Variants in RAB31 observed in about 807,000 individuals in gnomAD.
RAB31 encodes ras-related protein Rab-31.
In RAB31, 21 loss-of-function variants were observed where a neutral mutation model predicts 25.6. The ratio of observed to expected loss-of-function variants is 0.82; its 90% CI spans 0.58 to 1.18. The LOEUF is 1.18. Among genes scored for constraint, RAB31 ranks in the 50% most tolerant of loss-of-function variants. RAB31 has a pLI of 0.00. For missense variants in RAB31, 196 were observed against 250.1 expected (o/e 0.78, Z 1.46); for synonymous variants, 87 against 84.0 (o/e 1.04, Z -0.20).
rs2068783788 is a variant in RAB31, at chr18:9,850,489, G to A, written c.490+4798G>A. Among the ~76,000 whole-genome samples, 4 of 152,146 alleles carry A rather than the reference G, an allele frequency of 2.6e-5. No homozygotes were observed. The South Asian group carries it at 8.3e-4, about 31-fold the overall frequency. ...AAAAGTATTTTAACTTTTCCTGAGG[G>A]CAAAGAGAGGTGGAGCTGCAGGCTC... is the stretch of plus-strand genomic sequence containing the variant. On this transcript the variant is annotated intron_variant, in intron 6 of 6. Transcript: ENST00000578921.
intron 1 of RAB31, among the ~76,000 whole-genome samples, chr18:9,762,323 T>A (rs993037647): frequency 2.0e-5 from 3 of 152,216 alleles, no homozygotes; most frequent in African/African-American, 4.8e-5. Context: ...AAAGATTGTC[T>A]TGTAAAAAAT....
At chr18:9,746,500 T>C (rs1270622359) in intron 1 of RAB31, among the ~76,000 whole-genome samples, 1 of 145,016 alleles carries the variant, frequency 6.9e-6, no homozygotes, top group Non-Finnish European at 1.5e-5. Flanking sequence ...GACTCAACAC[T>C]TCCTGATTTC....
At chr18:9,710,681 C>T (rs1599006338) in intron 1 of RAB31, among the ~76,000 whole-genome samples, 1 of 151,866 alleles carries the variant, frequency 6.6e-6, no homozygotes, top group Non-Finnish European at 1.5e-5. Flanking sequence ...GGTCAAACCC[C>T]GTCTCTATTA....
intron 4 of RAB31, 53 bp downstream of exon 4, chr18:9,814,144 TAG>T (rs1172725726): frequency 7.5e-7 from 1 of 1,325,860 alleles, no homozygotes; most frequent in Non-Finnish European, 1.1e-6. Flanking sequence ...TTCTCTCACT[TAG>T]AGAGACTGGA....
chr18:9,852,003 A>C (rs1336205193), intron 6 of RAB31, among the ~76,000 whole-genome samples: 2 of 150,790 alleles, frequency 1.3e-5, no homozygotes, highest in Non-Finnish European at 2.9e-5. Flanking sequence ...TATTCCAAGA[A>C]TATATCCTTC....
chr18:9,729,179 A>G (rs896043827), intron 1 of RAB31, among the ~76,000 whole-genome samples: 2 of 152,204 alleles, frequency 1.3e-5, no homozygotes, highest in Non-Finnish European at 2.9e-5. Context: ...AACTATATCA[A>G]TCTTTTGTGA....
Position 9,708,488 on chromosome 18 carries a change from C to A in RAB31, c.39+44C>A. On this transcript the variant is annotated intron_variant, in intron 1 of 6. Coordinates refer to ENST00000578921, the MANE Select transcript of RAB31 (RefSeq NM_006868.4). The surrounding 1 kb of genome is among the most constrained non-coding windows in gnomAD (Gnocchi z 6.4). ...CCGCCGGCGGACCCCGGCCCGCGCT[C>A]TCGCGCCCCTTCGCTCCCCTATTCC... The A allele has an allele frequency of 6.6e-7, 1 of 1,515,512 alleles. No homozygotes were observed. The highest frequency in any genetic ancestry group is 8.9e-7 in the Non-Finnish European group (1 of 1,126,500). The allele number at this position is 1,515,512 out of a possible 1,614,324, so 93.9% of individuals were successfully genotyped here. A position where few individuals can be genotyped will look rare whatever the true frequency, so the allele number is the denominator to read the frequency against.
chr18:9,806,952 C>A (rs2068544742), intron 3 of RAB31, among the ~76,000 whole-genome samples: 1 of 152,222 alleles, frequency 6.6e-6, no homozygotes, highest in African/African-American at 2.4e-5. Context: ...AAATAAATAT[C>A]ATAATCCAGC....
intron 1 of RAB31, among the ~76,000 whole-genome samples, chr18:9,728,382 A>G (rs2068105507): frequency 6.6e-6 from 1 of 152,264 alleles, no homozygotes; most frequent in African/African-American, 2.4e-5. Flanking sequence ...GGGATTTTCT[A>G]GAAATAGAAC....
At chr18:9,740,089 A>G (rs1486882994) in intron 1 of RAB31, among the ~76,000 whole-genome samples, 2 of 152,214 alleles carry the variant, frequency 1.3e-5, no homozygotes, top group African/African-American at 2.4e-5. Flanking sequence ...TAATGGATGA[A>G]TCCTGACTCC....
Position 9,800,159 on chromosome 18 carries a change from G to A in RAB31, c.201+7924G>A, listed in dbSNP as rs140562368. 1.4e-4 allele frequency among the ~76,000 whole-genome samples: 22 copies of A among 152,314 alleles called. No homozygotes were observed. In the East Asian group the frequency reaches 4.2e-3, roughly 29 times the overall value. On this transcript the variant is annotated intron_variant, in intron 3 of 6. Coordinates refer to ENST00000578921, the MANE Select transcript of RAB31 (RefSeq NM_006868.4). ...CACATAGAGTGGCTTTTAGCGAGAG[G>A]AGCTGAAAAGCAACATTGTCATAAA...
intron 3 of RAB31, among the ~76,000 whole-genome samples, chr18:9,793,079 G>A (rs371039051): frequency 7.2e-5 from 11 of 152,282 alleles, no homozygotes; most frequent in Admixed American, 6.5e-4. Context: ...TAACTAGAGC[G>A]TATATTATAA....
At chr18:9,813,244 G>A (rs1282068261) in intron 3 of RAB31, among the ~76,000 whole-genome samples, 1 of 152,118 alleles carries the variant, frequency 6.6e-6, no homozygotes. Flanking sequence ...CCAGACCCGA[G>A]GCAGCTGCTG....
intron 1 of RAB31, among the ~76,000 whole-genome samples, chr18:9,750,910 C>T (rs781582970): frequency 6.6e-6 from 1 of 152,110 alleles, no homozygotes; most frequent in African/African-American, 2.4e-5. Context: ...TGTTGCTCCC[C>T]AGGGTCAAAA....
At chr18:9,760,044 T>G (rs966960568) in intron 1 of RAB31, among the ~76,000 whole-genome samples, 2 of 152,136 alleles carry the variant, frequency 1.3e-5, no homozygotes, top group East Asian at 3.9e-4. Flanking sequence ...CACATTTCCA[T>G]TTTTTTGAAA....
intron 1 of RAB31, among the ~76,000 whole-genome samples, chr18:9,765,249 C>T (rs543656308): frequency 3.8e-4 from 58 of 152,290 alleles, no homozygotes; most frequent in African/African-American, 1.3e-3. Context: ...CCACCACACC[C>T]GGCTGCCCAG....
chr18:9,824,326 A>G (rs28553949), intron 5 of RAB31, among the ~76,000 whole-genome samples: 9 of 133,420 alleles, frequency 6.7e-5, no homozygotes, highest in African/African-American at 1.1e-4. Context: ...GTGTAGATGT[A>G]TGTGTGTATA....
intron 3 of RAB31, among the ~76,000 whole-genome samples, chr18:9,793,767 G>A (rs2143033721): frequency 2.0e-5 from 3 of 152,234 alleles, no homozygotes; most frequent in Middle Eastern, 6.8e-3. Flanking sequence ...CAGAGTTGAT[G>A]ACTATGGAGT....
rs188786151 is a variant in RAB31, at chr18:9,753,665, T to C, written c.40-21613T>C. On this transcript the variant is annotated intron_variant, in intron 1 of 6. Coordinates refer to ENST00000578921, the MANE Select transcript of RAB31 (RefSeq NM_006868.4). Reference sequence around the variant, plus strand: ...CCAGTGTGGATTCTGTAAAGCTTTTTTGAAGGTCTTTTAGCAATGAAGAAA... The same window carrying C: ...CCAGTGTGGATTCTGTAAAGCTTTTCTGAAGGTCTTTTAGCAATGAAGAAA... Among the ~76,000 whole-genome samples, 4 of 152,310 alleles carry C rather than the reference T, an allele frequency of 2.6e-5. No homozygotes were observed. The East Asian group carries it at 7.7e-4, about 29-fold the overall frequency.
Sources: gnomAD v4.1 joint callset for allele counts (sites outside exome capture counted in the v4.1 genomes callset) on GRCh38, gnomAD v4.1.1 for gene constraint, Gnocchi (gnomAD v3.1) non-coding constraint, MANE v1.5 for transcripts, NCBI Gene and HGNC (gene_info 2026-07-23, HGNC 2026-07-21) for gene names.